The following LPAR1 variants were observed in gnomAD, a reference collection of about 807,000 sequenced individuals.
The protein encoded by LPAR1 is LPA receptor 1.
In LPAR1, 5 loss-of-function variants were observed where a neutral mutation model predicts 23.8. The observed-to-expected ratio is 0.21, with a 90% confidence interval of 0.11 to 0.44. LPAR1 has a LOEUF of 0.44. Ranked by LOEUF, LPAR1 falls within the 20% of genes least tolerant of loss-of-function variation. LPAR1 has a pLI of 0.99. For missense variants in LPAR1, 311 were observed against 482.8 expected, an observed-to-expected ratio of 0.64 and a Z score of 3.33; for synonymous variants, 160 against 164.7, an observed-to-expected ratio of 0.97 and a Z score of 0.22.
chr9:110,957,124 T>C (rs1240286622), intron 4 of LPAR1, among the ~76,000 whole-genome samples: 1 of 151,918 alleles, frequency 6.6e-6, no homozygotes, highest in Non-Finnish European at 1.5e-5. Flanking sequence ...TCCCAGAATT[T>C]TGGGAGGTCA....
At chr9:110,901,524 C>A (rs574731087) in intron 5 of LPAR1, among the ~76,000 whole-genome samples, 2 of 152,310 alleles carry the variant, frequency 1.3e-5, no homozygotes, top group South Asian at 2.1e-4. Flanking sequence ...GTCTTACATG[C>A]AGCAGGCAAG....
chr9:111,027,604 T>C (rs2097717007), intron 2 of LPAR1, among the ~76,000 whole-genome samples: 3 of 151,730 alleles, frequency 2.0e-5, no homozygotes, highest in Admixed American at 6.6e-5. Flanking sequence ...AAAAGTGCAA[T>C]GGAGAAGAAA....
Position 110,906,874 on chromosome 9 carries a change from A to C in LPAR1, c.794-31152T>G, listed in dbSNP as rs1588247699. ...AGTGACATTGGATATATATGCTTTG[A>C]AGGCCAACTTAAGGATGAAGGAAGT... On this transcript the variant is annotated intron_variant, in intron 5 of 5. Coordinates refer to ENST00000683809, the MANE Select transcript of LPAR1 (RefSeq NM_001351411.2). Among the ~76,000 whole-genome samples the C allele has an allele frequency of 3.3e-5, 5 of 152,102 alleles. 1 individual carries two copies. Among genetic ancestry groups the C allele is most frequent in the African/African-American group, 1.2e-4 (5 of 41,578 alleles).
At chr9:110,885,749 G>A (rs1245634131) in intron 5 of LPAR1, among the ~76,000 whole-genome samples, 2 of 152,168 alleles carry the variant, frequency 1.3e-5, no homozygotes, top group African/African-American at 4.8e-5. Flanking sequence ...CTGTCTTAGG[G>A]TGAAGTAACT....
chr9:110,886,163 A>C (rs1588135824), intron 5 of LPAR1, among the ~76,000 whole-genome samples: 1 of 147,582 alleles, frequency 6.8e-6, no homozygotes, highest in African/African-American at 2.5e-5. Flanking sequence ...GCACCATTGC[A>C]CTCCAGCCGG....
chr9:111,034,115 T>G (rs2097850625), intron 2 of LPAR1, among the ~76,000 whole-genome samples: 1 of 152,246 alleles, frequency 6.6e-6, no homozygotes, highest in South Asian at 2.1e-4. Flanking sequence ...TTACTTCTAC[T>G]GGAAGTTAAA....
rs1057090156 is a variant in LPAR1, at chr9:111,038,058, G to T, written c.-262+109C>A. The T allele has an allele frequency of 1.3e-5, 2 of 151,846 alleles. No homozygotes were observed. The highest frequency in any genetic ancestry group is 4.8e-5 in the African/African-American group (2 of 41,406). The allele number at this position is 151,846 out of a possible 1,614,324, so 9.4% of individuals were successfully genotyped here. A position where few individuals can be genotyped will look rare whatever the true frequency, so the allele number is the denominator to read the frequency against. ...CCCCCAACCACAAAGCCCGTCCGCG[G>T]CGGGACAGTGTGAGCCCAGCGCGCC... On this transcript the variant is annotated intron_variant, in intron 1 of 5. Coordinates refer to ENST00000683809, the MANE Select transcript of LPAR1 (RefSeq NM_001351411.2). This position sits in a 1 kb window ranked among gnomAD's most constrained non-coding sequence, Gnocchi z 4.4.
At chr9:110,976,914 T>C (rs1267775165) in intron 2 of LPAR1, among the ~76,000 whole-genome samples, 2 of 152,154 alleles carry the variant, frequency 1.3e-5, no homozygotes, top group Admixed American at 6.6e-5. Flanking sequence ...ATCACATATA[T>C]AAAATACAAT....
chr9:110,939,273 C>T (rs1034777463), intron 5 of LPAR1, among the ~76,000 whole-genome samples: 1 of 152,216 alleles, frequency 6.6e-6, no homozygotes. Flanking sequence ...CAACCACTCC[C>T]TGCCCACATC....
rs1309267039 is a variant in LPAR1 at position 110,941,930 on chromosome 9, T to C, written c.284A>G (p.Asp95Gly). 1 of 1,614,132 alleles carries C rather than the reference T, an allele frequency of 6.2e-7. No individual in the cohort carries two copies. Among genetic ancestry groups the C allele is most frequent in the Non-Finnish European group, 8.5e-7 (1 of 1,180,008 alleles). ...YYLMANLAAA[D>G]FFAGLAYFYL... is the part of the protein sequence containing the mutation. ...GAAGTAGGCCAACCCAGCAAAGAAG[T>C]CTGCAGCAGCCAGATTAGCCATTAG... The change falls in exon 5 of 6, where the codon GAC becomes GGC. Residue 95 changes from aspartate (D) to glycine (G), a missense_variant. Asp to Gly is a moderately conservative substitution (Grantham distance 94, BLOSUM62 -1). Transcript: ENST00000683809. This position sits in a 1 kb window ranked among gnomAD's most constrained non-coding sequence, Gnocchi z 6.1.
intron 4 of LPAR1, among the ~76,000 whole-genome samples, chr9:110,962,608 T>C (rs1448796228): frequency 6.6e-6 from 1 of 152,184 alleles, no homozygotes; most frequent in Non-Finnish European, 1.5e-5. Flanking sequence ...GAAAGTTGCT[T>C]TATTTCTAAT....
chr9:110,995,487 A>G (rs1472086771), intron 2 of LPAR1, among the ~76,000 whole-genome samples: 1 of 152,160 alleles, frequency 6.6e-6, no homozygotes, highest in South Asian at 2.1e-4. Context: ...GCATATTACC[A>G]TTCTTCCTCA....
intron 5 of LPAR1, among the ~76,000 whole-genome samples, chr9:110,911,681 G>A (rs1190816168): frequency 1.3e-5 from 2 of 152,288 alleles, no homozygotes; most frequent in East Asian, 3.9e-4. Context: ...GAAATAAGCT[G>A]TTTTTAAATT....
intron 5 of LPAR1, among the ~76,000 whole-genome samples, chr9:110,897,399 T>C (rs995608992): frequency 1.3e-5 from 2 of 152,196 alleles, no homozygotes; most frequent in Non-Finnish European, 2.9e-5. Context: ...CTCCCAGCCA[T>C]GTTGAACCAT....
intron 5 of LPAR1, among the ~76,000 whole-genome samples, chr9:110,883,536 G>A (rs576395717): frequency 9.9e-5 from 15 of 152,212 alleles, no homozygotes; most frequent in African/African-American, 3.6e-4. Context: ...GCAAGGAAAT[G>A]CACACACGTA....
intron 4 of LPAR1, among the ~76,000 whole-genome samples, chr9:110,961,989 C>T (rs181065291): frequency 6.6e-5 from 10 of 152,236 alleles, no homozygotes; most frequent in Admixed American, 6.5e-4. Flanking sequence ...GAGTAAATAC[C>T]ATGGTGTAAC....
intron 2 of LPAR1, among the ~76,000 whole-genome samples, chr9:111,023,101 T>C (rs2097595536): frequency 1.4e-5 from 2 of 144,942 alleles, no homozygotes; most frequent in Admixed American, 1.4e-4. Context: ...CAATATACTA[T>C]ATTGCTCTAA....
At chr9:111,006,208 G>A (rs1390227023) in intron 2 of LPAR1, among the ~76,000 whole-genome samples, 4 of 152,114 alleles carry the variant, frequency 2.6e-5, no homozygotes. Context: ...CTTCATTCAT[G>A]CATGCATGCA....
At chr9:110,945,083 A>G (rs1443041119) in intron 4 of LPAR1, among the ~76,000 whole-genome samples, 1 of 152,224 alleles carries the variant, frequency 6.6e-6, no homozygotes, top group African/African-American at 2.4e-5. Context: ...GACTGAACTG[A>G]TAGAGGAATT....
Sources: gnomAD v4.1 joint callset for allele counts (sites outside exome capture counted in the v4.1 genomes callset) on GRCh38, gnomAD v4.1.1 for gene constraint, Gnocchi (gnomAD v3.1) non-coding constraint, MANE v1.5 for transcripts, NCBI Gene and HGNC (gene_info 2026-07-23, HGNC 2026-07-21) for gene names.